Variants in C6orf163 observed in about 807,000 individuals in gnomAD.
C6orf163 encodes the protein uncharacterized protein C6orf163.
A neutral mutation model predicts 28.4 loss-of-function variants in C6orf163; 22 were observed. That is an observed-to-expected ratio of 0.78 (90% CI 0.55 to 1.11). The LOEUF (loss-of-function observed/expected upper bound fraction) is 1.11, where lower values mean the gene tolerates loss of function less well. Among genes scored for constraint, C6orf163 ranks in the 50% least tolerant of loss-of-function variants. The pLI is 0.00. For missense variants in C6orf163, 342 were observed against 389.1 expected, an observed-to-expected ratio of 0.88 and a Z score of 1.02; for synonymous variants, 110 against 123.6, an observed-to-expected ratio of 0.89 and a Z score of 0.73.
At position 87,365,281 on chromosome 6, in the gene C6orf163, A is replaced by G; in HGVS notation, c.875A>G (p.Tyr292Cys). The change falls in exon 5 of 5, where the codon TAC (tyrosine) becomes TGC (cysteine). Residue 292 changes from tyrosine (Y) to cysteine (C), a missense_variant. Tyr to Cys is a radical substitution (Grantham distance 194). Coordinates refer to ENST00000388923, the MANE Select transcript of C6orf163 (RefSeq NM_001010868.3). ...GAAACCAGGATGGCATTTCAAAAATACATCAATTATACCTTTCCTAAGCTT... is the reference window on the plus strand; with the variant it reads ...GAAACCAGGATGGCATTTCAAAAATGCATCAATTATACCTTTCCTAAGCTT... The part of the protein sequence containing the change: ...LQETRMAFQK[Y>C]INYTFPKLSP... The G allele has an allele frequency of 6.4e-7, 1 of 1,551,684 alleles. No homozygotes were observed. Among genetic ancestry groups the G allele is most frequent in the Non-Finnish European group, 8.7e-7 (1 of 1,146,952 alleles).
At chr6:87,356,610 T>A in intron 4 of C6orf163, 107 bp downstream of exon 4, 1 of 941,758 alleles carries the variant, frequency 1.1e-6, no homozygotes, top group Non-Finnish European at 1.6e-6. Flanking sequence ...AGTTTTTGTG[T>A]TTTTACATTT....
Position 87,345,256 on chromosome 6 carries a change from CTT to C in C6orf163, c.148+11_148+12del, listed in dbSNP as rs1777305456. The C allele has an allele frequency of 2.0e-6, 3 of 1,511,302 alleles. No homozygotes were observed. The highest frequency in any genetic ancestry group is 2.6e-6 in the Non-Finnish European group (3 of 1,139,010). The allele number at this position is 1,511,302 out of a possible 1,614,324, so 93.6% of individuals were successfully genotyped here. On this transcript the variant is annotated intron_variant, in intron 1 of 4. Coordinates refer to ENST00000388923, the MANE Select transcript of C6orf163 (RefSeq NM_001010868.3). ...TCACAAAGACATACTAGGTAAGTGA[CTT>C]TATCGTTTTCCTTTGTTCTAATGCT...
At chr6:87,348,726 C>T (rs1777366562) in intron 1 of C6orf163, 86 bp from the exon 2 acceptor site, 1 of 1,495,742 alleles carries the variant, frequency 6.7e-7, no homozygotes, top group Admixed American at 2.3e-5. Flanking sequence ...TCCTAAATAG[C>T]CCTCATAAAT....
At chr6:87,348,088 G>A (rs1777355545) in intron 1 of C6orf163, 3 of 622,904 alleles carry the variant, frequency 4.8e-6, no homozygotes, top group Non-Finnish European at 6.0e-6. Context: ...ACGGGAGGCG[G>A]AGGTTGCAGT....
At chr6:87,356,124 A>G in intron 3 of C6orf163, 177 bp from the exon 4 acceptor site, 1 of 593,666 alleles carries the variant, frequency 1.7e-6, no homozygotes. Context: ...TTTTTGGTTC[A>G]CCTAACATCA....
At chr6:87,360,379 GA>G (rs1211346811) in intron 4 of C6orf163, among the ~76,000 whole-genome samples, 1 of 149,372 alleles carries the variant, frequency 6.7e-6, no homozygotes, top group Non-Finnish European at 1.5e-5. Context: ...CTTATGTTAA[GA>G]ATCCTTTTTA....
intron 2 of C6orf163, among the ~76,000 whole-genome samples, chr6:87,349,434 G>A (rs938372973): frequency 4.6e-5 from 7 of 151,958 alleles, no homozygotes; most frequent in Non-Finnish European, 1.0e-4. Flanking sequence ...ATACCTCGTC[G>A]ATATGACTGC....
At position 87,356,291 on chromosome 6, in the gene C6orf163, A is replaced by G; in HGVS notation, c.352-10A>G. 3 of 1,551,330 alleles carry G rather than the reference A, an allele frequency of 1.9e-6. No individual in the cohort carries two copies. The South Asian group carries it at 3.6e-5, about 18-fold the overall frequency. On this transcript the variant is annotated splice_polypyrimidine_tract_variant and intron_variant, in intron 3 of 4. Transcript: ENST00000388923. ...TGTAATAGCTAAACCTAGTTTTGCC[A>G]TTGCTTCAGGAAGTGACAGCTAAAA...
At chr6:87,350,901 G>T (rs1457155949) in intron 3 of C6orf163, among the ~76,000 whole-genome samples, 2 of 152,192 alleles carry the variant, frequency 1.3e-5, no homozygotes, top group Non-Finnish European at 2.9e-5. Flanking sequence ...GACTAGCCCT[G>T]GTGCCCAGCA....
intron 3 of C6orf163, among the ~76,000 whole-genome samples, chr6:87,351,795 C>T (rs1269270450): frequency 1.3e-5 from 2 of 152,014 alleles, no homozygotes; most frequent in African/African-American, 4.8e-5. Context: ...CTCTCCCAAT[C>T]CAGCAATTTA....
chr6:87,358,010 A>G lies in C6orf163; in HGVS notation c.554+1507A>G, dbSNP rs553490631. 1.8e-4 allele frequency: 28 copies of G among 152,312 alleles called. 2 individuals carry two copies. The highest frequency in any genetic ancestry group is 6.3e-4 in the African/African-American group (26 of 41,582). 9.4% of individuals were successfully genotyped at this position (152,312 alleles called of 1,614,324 possible). ...CATTCTTGAAATATTTATTGAACAA[A>G]TGGTTTAAATTTCTTCCAATTAGTC... On this transcript the variant is annotated intron_variant, in intron 4 of 4. Coordinates refer to ENST00000388923, the MANE Select transcript of C6orf163 (RefSeq NM_001010868.3).
At chr6:87,359,993 G>A (rs768481479) in intron 4 of C6orf163, among the ~76,000 whole-genome samples, 13 of 152,110 alleles carry the variant, frequency 8.5e-5, no homozygotes, top group Admixed American at 5.2e-4. Context: ...GCCAGTCATC[G>A]GTGAGCCTCC....
chr6:87,348,661 C>T (rs1777365426), intron 1 of C6orf163, 151 bp from the exon 2 acceptor site: 1 of 1,407,740 alleles, frequency 7.1e-7, no homozygotes, highest in Non-Finnish European at 9.2e-7. Context: ...AAATCTTACT[C>T]TTTCAATGGG....
intron 4 of C6orf163, chr6:87,358,746 A>C (rs1470236832): frequency 6.6e-6 from 1 of 152,202 alleles, no homozygotes; most frequent in Non-Finnish European, 1.5e-5. Context: ...TTCCCAGCAC[A>C]TGCAAGGCCT....
At chr6:87,363,503 C>G (rs569850703) in intron 4 of C6orf163, among the ~76,000 whole-genome samples, 12 of 151,928 alleles carry the variant, frequency 7.9e-5, no homozygotes, top group Non-Finnish European at 1.6e-4. Flanking sequence ...CCGCTCCCCC[C>G]ACCCCACAAC....
At chr6:87,350,246 T>G in intron 2 of C6orf163, 148 bp from the exon 3 acceptor site, 1 of 608,668 alleles carries the variant, frequency 1.6e-6, no homozygotes, top group South Asian at 1.9e-5. Flanking sequence ...AGGTTTGAGA[T>G]GGGAATGGGG....
In C6orf163 at chr6:87,365,380, A is replaced by T; in HGVS notation, c.974A>T (p.Lys325Ile). The stretch of plus-strand genomic sequence containing the variant: ...TCTAATCTTGTTATTAAGGAGAACA[A>T]AACAACTCTTGATTAGAAGTCTTCA... ...TPSNLVIKEN[K>I]TTLD Residue 325 changes from lysine to isoleucine, a missense_variant, in exon 5 of 5, where the codon AAA becomes ATA. Physicochemically the swap from Lys to Ile is moderately radical, Grantham distance 102. Coordinates refer to ENST00000388923, the MANE Select transcript of C6orf163 (RefSeq NM_001010868.3). The T allele has an allele frequency of 6.5e-7, 1 of 1,531,670 alleles. No individual in the cohort carries two copies. Among genetic ancestry groups the T allele is most frequent in the Non-Finnish European group, 8.8e-7 (1 of 1,136,544 alleles). The allele number at this position is 1,531,670 out of a possible 1,614,324, so 94.9% of individuals were successfully genotyped here.
intron 4 of C6orf163, among the ~76,000 whole-genome samples, chr6:87,362,284 C>G (rs1461889611): frequency 2.0e-5 from 3 of 152,178 alleles, no homozygotes; most frequent in Admixed American, 2.0e-4. Context: ...CAAGACCAGC[C>G]TGGCCAACAT....
chr6:87,353,743 A>G (rs1284187909), intron 3 of C6orf163, among the ~76,000 whole-genome samples: 2 of 152,248 alleles, frequency 1.3e-5, no homozygotes, highest in Non-Finnish European at 2.9e-5. Flanking sequence ...TCTGACTACA[A>G]GAGAATAACT....
Sources: gnomAD v4.1 joint callset for allele counts (sites outside exome capture counted in the v4.1 genomes callset) on GRCh38, gnomAD v4.1.1 for gene constraint, MANE v1.5 for transcripts, NCBI Gene and HGNC (gene_info 2026-07-23, HGNC 2026-07-21) for gene names.